The following CASD1 variants were observed in gnomAD, a reference collection of about 807,000 sequenced individuals.
The protein encoded by CASD1 is CAS1 domain sialic acid O acetyltransferase 1.
Under a neutral mutation model 100.0 loss-of-function variants are expected in CASD1, and 41 were observed. The observed-to-expected ratio is 0.41, with a 90% confidence interval of 0.32 to 0.53. The LOEUF is 0.53. Ranked by LOEUF, CASD1 falls within the 20% of genes least tolerant of loss-of-function variation. The pLI is 0.25. For missense variants in CASD1, 774 were observed against 948.7 expected (o/e 0.82, Z 2.42); for synonymous variants, 321 against 315.6 (o/e 1.02, Z -0.18).
At chr7:94,570,856 G>A in the CASD1 span, among the ~76,000 whole-genome samples, 1 of 152,076 alleles carries the variant, frequency 6.6e-6, no homozygotes, top group Non-Finnish European at 1.5e-5. Flanking sequence ...AATTACAATA[G>A]TATCAGCTTT....
At chr7:94,609,564 A>T in the CASD1 span, among the ~76,000 whole-genome samples, 1 of 152,220 alleles carries the variant, frequency 6.6e-6, no homozygotes, top group African/African-American at 2.4e-5. Flanking sequence ...CAGAGACCTT[A>T]ACAGACACCT....
At chr7:94,629,675 A>C in the CASD1 span, 1 of 1,604,534 alleles carries the variant, frequency 6.2e-7, no homozygotes, top group Non-Finnish European at 8.5e-7. Flanking sequence ...TTAAACAAAA[A>C]ATTTAGTACG....
the CASD1 span, chr7:94,588,882 G>T: frequency 1.2e-6 from 1 of 811,756 alleles, no homozygotes. Flanking sequence ...TGAGCTTACA[G>T]ATGAGGAAAC....
chr7:94,563,950 A>C, the CASD1 span, among the ~76,000 whole-genome samples: 1 of 152,324 alleles, frequency 6.6e-6, no homozygotes, highest in East Asian at 1.9e-4. Flanking sequence ...CATACTCTAG[A>C]GTACGCATGT....
At chr7:94,559,164 A>G (rs140459871), downstream of CASD1, among the ~76,000 whole-genome samples, 2 of 152,164 alleles carry the variant, frequency 1.3e-5, no homozygotes, top group East Asian at 3.9e-4. Flanking sequence ...TTCCATATTA[A>G]TAGTCATAGT....
At chr7:94,614,128 A>C in the CASD1 span, among the ~76,000 whole-genome samples, 5 of 151,388 alleles carry the variant, frequency 3.3e-5, no homozygotes, top group Non-Finnish European at 5.9e-5. Flanking sequence ...AAAAAAAAAA[A>C]AACACAGTAA....
At chr7:94,613,658 A>G in the CASD1 span, among the ~76,000 whole-genome samples, 1 of 152,214 alleles carries the variant, frequency 6.6e-6, no homozygotes, top group East Asian at 1.9e-4. Flanking sequence ...ATGGTAAACA[A>G]TTTAAGTAGA....
intron 1 of CASD1, among the ~76,000 whole-genome samples, chr7:94,510,675 G>A (rs1287114081): frequency 1.3e-5 from 2 of 152,366 alleles, no homozygotes; most frequent in African/African-American, 4.8e-5. Context: ...CCTCTTAAGG[G>A]TCCGGCTCCT....
Position 94,550,869 on chromosome 7 carries a change from A to G in CASD1, c.1816-469A>G, listed in dbSNP as rs571585035. Reference sequence around the variant, plus strand: ...GTCCTTGTTTAAAAAGAGAAAGCTCATGTACTTTCCGGTCTACCATATTTT... The same window carrying G: ...GTCCTTGTTTAAAAAGAGAAAGCTCGTGTACTTTCCGGTCTACCATATTTT... On this transcript the variant is annotated intron_variant, in intron 14 of 17. Transcript: ENST00000297273. Among the ~76,000 whole-genome samples, 4 of 152,262 alleles carry G rather than the reference A, an allele frequency of 2.6e-5. No individual in the cohort carries two copies. In the South Asian group the frequency reaches 6.2e-4, roughly 24 times the overall value.
chr7:94,525,548 AAG>A (rs1179290795), intron 3 of CASD1, among the ~76,000 whole-genome samples: 2 of 151,562 alleles, frequency 1.3e-5, no homozygotes, highest in African/African-American at 4.8e-5. Flanking sequence ...AAAAAGGAAA[AAG>A]AAGAAAGAGA....
At chr7:94,608,880 G>T in the CASD1 span, among the ~76,000 whole-genome samples, 4 of 152,142 alleles carry the variant, frequency 2.6e-5, no homozygotes, top group Non-Finnish European at 4.4e-5. Flanking sequence ...TGTAAAAAAT[G>T]AATCTAGATA....
chr7:94,609,615 A>C, the CASD1 span, among the ~76,000 whole-genome samples: 81 of 152,346 alleles, frequency 5.3e-4, 1 homozygote, highest in East Asian at 0.015. Context: ...GCACATGAAA[A>C]GATGCTCCAC....
chr7:94,623,253 T>C, the CASD1 span: 1 of 936,190 alleles, frequency 1.1e-6, no homozygotes, highest in Non-Finnish European at 1.7e-6. Flanking sequence ...CTTGACTATA[T>C]TTTATGTAGT....
At chr7:94,622,189 A>T in the CASD1 span, 2 of 152,176 alleles carry the variant, frequency 1.3e-5, no homozygotes, top group African/African-American at 4.8e-5. Context: ...TTTTAGTTGC[A>T]CTAGTAAATA....
chr7:94,564,555 T>C, the CASD1 span, among the ~76,000 whole-genome samples: 1 of 152,200 alleles, frequency 6.6e-6, no homozygotes, highest in African/African-American at 2.4e-5. Flanking sequence ...TTTTCAAGTA[T>C]ATAAATTCCA....
intron 10 of CASD1, among the ~76,000 whole-genome samples, chr7:94,541,512 A>G (rs1332536540): frequency 7.1e-6 from 1 of 141,224 alleles, no homozygotes; most frequent in African/African-American, 2.6e-5. Context: ...TTTGGTATAT[A>G]CAGTAGGTGA....
chr7:94,571,739 C>G, the CASD1 span, among the ~76,000 whole-genome samples: 8 of 151,902 alleles, frequency 5.3e-5, no homozygotes, highest in Non-Finnish European at 7.4e-5. Context: ...AAAAAGTAAC[C>G]AAGACTGGAT....
chr7:94,534,159 ATTTTTTTT>A (rs56864121), intron 7 of CASD1, among the ~76,000 whole-genome samples: 2 of 100,538 alleles, frequency 2.0e-5, no homozygotes, highest in Non-Finnish European at 3.8e-5. Context: ...CTGTTTCATA[ATTTTTTTT>A]TTTTTTTTTT....
the CASD1 span, chr7:94,587,612 C>T: frequency 8.6e-6 from 12 of 1,391,642 alleles, no homozygotes; most frequent in Non-Finnish European, 1.1e-5. Context: ...TTTGTTCCTT[C>T]ATCAATCTCC....
Sources: allele counts gnomAD v4.1 joint callset (sites outside exome capture counted in the v4.1 genomes callset), GRCh38; gene constraint gnomAD v4.1.1; transcripts MANE v1.5; gene names NCBI Gene and HGNC (gene_info 2026-07-23, HGNC 2026-07-21).